RARB: variants seen among roughly 807,000 people sequenced by gnomAD.
The protein encoded by RARB is HBV-activated protein.
In RARB, 17 loss-of-function variants were observed where a neutral mutation model predicts 51.9. The ratio of observed to expected loss-of-function variants is 0.33; its 90% CI spans 0.22 to 0.49. The LOEUF (loss-of-function observed/expected upper bound fraction) is 0.49. RARB is among the 20% of genes least tolerant of loss of function. The probability of loss-of-function intolerance (pLI) is 0.99; values close to 1 mark genes in which losing one functional copy is unlikely to be tolerated. For synonymous variants in RARB, 215 were observed against 195.4 expected (o/e 1.10, Z -0.84); for missense variants, 369 against 550.8 (o/e 0.67, Z 3.30).
chr3:25,201,818 C>T (rs1701398034), intron 5 of RARB, among the ~76,000 whole-genome samples: 1 of 152,120 alleles, frequency 6.6e-6, no homozygotes, highest in African/African-American at 2.4e-5. Context: ...TGATGTGCTG[C>T]TGGATTTGGT....
At chr3:25,546,811 G>T (rs1408785204) in intron 3 of RARB, among the ~76,000 whole-genome samples, 1 of 152,106 alleles carries the variant, frequency 6.6e-6, no homozygotes, top group Non-Finnish European at 1.5e-5. Context: ...TTTATTCTGA[G>T]TTTTTTCTCG....
intron 2 of RARB, among the ~76,000 whole-genome samples, chr3:24,996,127 A>G (rs958775268): frequency 6.6e-6 from 1 of 152,110 alleles, no homozygotes; most frequent in African/African-American, 2.4e-5. Context: ...TTACTGATTC[A>G]ATCCCATGCC....
At chr3:25,556,746 G>T (rs1036408640) in intron 3 of RARB, among the ~76,000 whole-genome samples, 2 of 152,182 alleles carry the variant, frequency 1.3e-5, no homozygotes, top group African/African-American at 2.4e-5. Flanking sequence ...CCAGCACCCC[G>T]AAGGGCTGGG....
intron 2 of RARB, among the ~76,000 whole-genome samples, chr3:25,017,312 C>T (rs1268489542): frequency 1.4e-5 from 2 of 144,846 alleles, no homozygotes; most frequent in African/African-American, 5.3e-5. Context: ...CTTTGTGTTT[C>T]CACGTAGACC....
intron 2 of RARB, among the ~76,000 whole-genome samples, chr3:24,865,846 T>TTGTG (rs1702838205): frequency 6.6e-6 from 1 of 152,188 alleles, no homozygotes; most frequent in South Asian, 2.1e-4. Flanking sequence ...TTTGACCTAA[T>TTGTG]TGTGCAGCCT....
chr3:25,241,505 C>T (rs1380999867), intron 5 of RARB, among the ~76,000 whole-genome samples: 2 of 152,102 alleles, frequency 1.3e-5, no homozygotes, highest in Non-Finnish European at 1.5e-5. Flanking sequence ...GTGATGTTCC[C>T]CTCCCTGTGC....
Position 24,992,098 on chromosome 3 carries a change from T to C in RARB, c.-379-68027T>C, listed in dbSNP as rs75582996. Among the ~76,000 whole-genome samples, 129 of 152,290 alleles carry C rather than the reference T, an allele frequency of 8.5e-4. No individual in the cohort carries two copies. The East Asian group carries it at 0.023, about 27-fold the overall frequency. ...CTCTGACACCCTGGTCTGGGTTACC[T>C]TGACTTGCTCCTCCATACCGCAAAC... On this transcript the variant is annotated intron_variant, in intron 2 of 11. Coordinates refer to the RARB transcript ENST00000383772.
chr3:25,072,239 A>G (rs1320803192), intron 3 of RARB, among the ~76,000 whole-genome samples: 1 of 152,230 alleles, frequency 6.6e-6, no homozygotes, highest in Admixed American at 6.5e-5. Flanking sequence ...TTTGAATCTT[A>G]AAACTGGGCA....
At chr3:25,305,179 T>C (rs144482717) in intron 5 of RARB, among the ~76,000 whole-genome samples, 3 of 152,290 alleles carry the variant, frequency 2.0e-5, no homozygotes, top group Non-Finnish European at 2.9e-5. Flanking sequence ...CATTTTAATT[T>C]AAAACACTTC....
Position 25,290,983 on chromosome 3 carries a change from A to G in RARB, c.178+116408A>G, listed in dbSNP as rs1703772474. Among the ~76,000 whole-genome samples, 4 of 152,192 alleles carry G rather than the reference A, an allele frequency of 2.6e-5. No homozygotes were observed. In the South Asian group the frequency reaches 8.3e-4, roughly 31 times the overall value. On this transcript the variant is annotated intron_variant, in intron 5 of 11. Transcript: ENST00000383772. Reference sequence around the variant, plus strand: ...TGAAGTTTTCTATGAGCTTGCTCACATGATAGGGAAATGATGGCAAGAGCT... The same window carrying G: ...TGAAGTTTTCTATGAGCTTGCTCACGTGATAGGGAAATGATGGCAAGAGCT...
intron 2 of RARB, among the ~76,000 whole-genome samples, chr3:25,484,294 C>T (rs1179079749): frequency 6.6e-6 from 1 of 152,118 alleles, no homozygotes; most frequent in Admixed American, 6.5e-5. Context: ...TTCTTCATGT[C>T]CTGGTTCATA....
At chr3:25,563,194 G>A (rs988244275) in intron 3 of RARB, among the ~76,000 whole-genome samples, 2 of 152,154 alleles carry the variant, frequency 1.3e-5, no homozygotes, top group Non-Finnish European at 2.9e-5. Flanking sequence ...TGAAGTACTT[G>A]CACATATGCT....
chr3:25,115,203 G>T (rs1424579148), intron 3 of RARB, among the ~76,000 whole-genome samples: 2 of 152,038 alleles, frequency 1.3e-5, no homozygotes, highest in Non-Finnish European at 1.5e-5. Flanking sequence ...TAAAAAAATG[G>T]TTTTACTTAA....
intron 2 of RARB, among the ~76,000 whole-genome samples, chr3:24,966,108 T>A: frequency 1.1e-5 from 1 of 89,948 alleles, no homozygotes; most frequent in Non-Finnish European, 2.3e-5. Context: ...TTTTTTTTTT[T>A]TTTGGTTATT....
At chr3:25,214,315 A>G (rs1701768392) in intron 5 of RARB, among the ~76,000 whole-genome samples, 1 of 152,192 alleles carries the variant, frequency 6.6e-6, no homozygotes, top group Admixed American at 6.5e-5. Flanking sequence ...AATGAGCTGC[A>G]TTGGAGGACT....
At chr3:25,417,295 C>T (rs2125504320) in intron 5 of RARB, among the ~76,000 whole-genome samples, 1 of 151,898 alleles carries the variant, frequency 6.6e-6, no homozygotes, top group Admixed American at 6.6e-5. Context: ...TGCCACTGAC[C>T]AGTCCTCCCA....
At chr3:25,416,357 C>T (rs2125503757) in intron 5 of RARB, among the ~76,000 whole-genome samples, 1 of 152,316 alleles carries the variant, frequency 6.6e-6, no homozygotes, top group South Asian at 2.1e-4. Flanking sequence ...CCACTGCACT[C>T]CAGCCTGGAT....
In RARB at chr3:25,225,792, T is replaced by C. The variant is rs563440341; in HGVS notation, c.178+51217T>C. Among the ~76,000 whole-genome samples, 4 of 152,298 alleles carry C rather than the reference T, an allele frequency of 2.6e-5. No homozygotes were observed. In the South Asian group the frequency reaches 8.3e-4, roughly 32 times the overall value. On this transcript the variant is annotated intron_variant, in intron 5 of 11. Coordinates refer to the RARB transcript ENST00000383772. ...GTAGTCTTTTTCAATCAATAGGTTA[T>C]TTTAATTTGCTTAAGTAGCATGATG...
At chr3:25,090,847 TCA>T (rs1362222928) in intron 3 of RARB, among the ~76,000 whole-genome samples, 2 of 152,112 alleles carry the variant, frequency 1.3e-5, no homozygotes, top group African/African-American at 2.4e-5. Context: ...TTGTTCAAAC[TCA>T]CACTCCATTT....
Sources: gnomAD v4.1 joint callset for allele counts (sites outside exome capture counted in the v4.1 genomes callset) on GRCh38, gnomAD v4.1.1 for gene constraint, MANE v1.5 for transcripts, NCBI Gene and HGNC (gene_info 2026-07-23, HGNC 2026-07-21) for gene names.